Variants in MOCOS observed in about 807,000 individuals in gnomAD.
The protein encoded by MOCOS is molybdenum cofactor sulfurase.
A neutral mutation model predicts 83.6 loss-of-function variants in MOCOS; 86 were observed. The ratio of observed to expected loss-of-function variants is 1.03; its 90% CI spans 0.86 to 1.23. MOCOS has a LOEUF of 1.23. Among genes scored for constraint, MOCOS ranks in the 50% most tolerant of loss-of-function variants. The pLI, the probability that MOCOS is intolerant of heterozygous loss-of-function variation, is 0.00. For synonymous variants in MOCOS, 445 were observed against 434.7 expected, an observed-to-expected ratio of 1.02 and a Z score of -0.29; for missense variants, 1,120 against 1,126.9, an observed-to-expected ratio of 0.99 and a Z score of 0.09.
intron 13 of MOCOS, among the ~76,000 whole-genome samples, chr18:36,265,031 T>C (rs879868706): frequency 9.9e-5 from 15 of 152,202 alleles, no homozygotes; most frequent in Non-Finnish European, 5.9e-5. Flanking sequence ...AAAGCTTTTA[T>C]TGGCAAAAAT....
chr18:36,260,086 C>A lies in MOCOS; in HGVS notation c.2320C>A (p.Arg774Ser). 1.2e-6 allele frequency: 2 copies of A among 1,614,110 alleles called. No homozygotes were observed. The highest frequency in any genetic ancestry group is 1.3e-5 in the African/African-American group (1 of 75,014). Residue 774 changes from arginine (R) to serine (S), a missense_variant, in exon 13 of 15, where the codon CGT (arginine) becomes AGT (serine). Coordinates refer to ENST00000261326, the MANE Select transcript of MOCOS (RefSeq NM_017947.4). Reference sequence around the variant, plus strand: ...ATTCTCACTGAAGGATCTCAGCTTGCGTTTTCGTGCCAATATTATTATCAA... The same window carrying A: ...ATTCTCACTGAAGGATCTCAGCTTGAGTTTTCGTGCCAATATTATTATCAA... Reference protein sequence around the residue: ...ELFSLKDLSLRFRANIIINGK... With the variant: ...ELFSLKDLSLSFRANIIINGK...
Position 36,199,705 on chromosome 18 carries a change from A to G in MOCOS, c.322A>G (p.Thr108Ala). The change falls in exon 4 of 15, where the codon ACC becomes GCC. Residue 108 changes from threonine to alanine, a missense_variant. Thr to Ala is a moderately conservative substitution (Grantham distance 58, BLOSUM62 0). Coordinates refer to ENST00000261326, the MANE Select transcript of MOCOS (RefSeq NM_017947.4). ...CAGAATCCTGGCGCACTTCCACACC[A>G]CCGCAGAAGACTACACTGTGATCTT... The part of the protein sequence containing the change: ...RYRILAHFHT[T>A]AEDYTVIFTA... The G allele has an allele frequency of 1.9e-6, 3 of 1,613,912 alleles. No individual in the cohort carries two copies. The highest frequency in any genetic ancestry group is 1.7e-6 in the Non-Finnish European group (2 of 1,180,040).
chr18:36,190,798 TGCAGTG>T (rs1268559991), intron 1 of MOCOS, among the ~76,000 whole-genome samples: 1 of 151,022 alleles, frequency 6.6e-6, no homozygotes, highest in African/African-American at 2.4e-5. Context: ...TTTGGCCAGG[TGCAGTG>T]GCTCATACCT....
At chr18:36,187,753 T>TGA (rs1224684088) in intron 1 of MOCOS, 72 bp downstream of exon 1, 1 of 1,238,006 alleles carries the variant, frequency 8.1e-7, no homozygotes, top group Non-Finnish European at 1.0e-6. Context: ...TTGCTCCTAG[T>TGA]GAGAGCGGCG....
At chr18:36,199,433 A>C (rs2091402573) in intron 3 of MOCOS, among the ~76,000 whole-genome samples, 1 of 152,230 alleles carries the variant, frequency 6.6e-6, no homozygotes, top group Admixed American at 6.5e-5. Flanking sequence ...ACTCTGATTA[A>C]GTTTATTGTG....
chr18:36,207,131 G>GGTTCAATTGATTCTCCTGC lies in MOCOS; in HGVS notation c.1218+1856_1218+1874dup, dbSNP rs2091437812. ...AGTTCACTGCAAACTCCGCCTCCTG[G>GGTTCAATTGATTCTCCTGC]GTTCAATTGATTCTCCTGCCTCAGC... is the stretch of plus-strand genomic sequence containing the variant. On this transcript the variant is annotated intron_variant, in intron 6 of 14. Transcript: ENST00000261326. Among the ~76,000 whole-genome samples, 3 of 152,126 alleles carry GGTTCAATTGATTCTCCTGC rather than the reference G, an allele frequency of 2.0e-5. No homozygotes were observed. In the South Asian group the frequency reaches 6.2e-4, roughly 32 times the overall value.
At chr18:36,245,674 T>C (rs982998462) in intron 9 of MOCOS, among the ~76,000 whole-genome samples, 1 of 152,230 alleles carries the variant, frequency 6.6e-6, no homozygotes, top group African/African-American at 2.4e-5. Context: ...TCTAGATCTC[T>C]AGTGAGATCA....
In MOCOS at chr18:36,227,948, G is replaced by T. The variant is rs566810360; in HGVS notation, c.1960+7731G>T. On this transcript the variant is annotated intron_variant, in intron 9 of 14. Coordinates refer to ENST00000261326, the MANE Select transcript of MOCOS (RefSeq NM_017947.4). ...TTTGCAAACTATGCATCTGACAAAG[G>T]TCTAATATCCAGCATCTATAAGGAA... Among the ~76,000 whole-genome samples, 9 of 152,210 alleles carry T rather than the reference G, an allele frequency of 5.9e-5. No individual in the cohort carries two copies. The East Asian group carries it at 1.7e-3, about 29-fold the overall frequency.
chr18:36,211,583 C>A (rs1351062045), intron 6 of MOCOS, among the ~76,000 whole-genome samples: 1 of 152,050 alleles, frequency 6.6e-6, no homozygotes, highest in Non-Finnish European at 1.5e-5. Context: ...TCTCAGTCCT[C>A]CCTGAATGCT....
At position 36,199,722 on chromosome 18, in the gene MOCOS, T is replaced by C; in HGVS notation, c.339T>C (p.Thr113=). The C allele has an allele frequency of 1.2e-6, 2 of 1,614,110 alleles. No individual in the cohort carries two copies. The highest frequency in any genetic ancestry group is 1.7e-6 in the Non-Finnish European group (2 of 1,180,040). The change falls in exon 4 of 15, where the codon ACT becomes ACC. Residue 113 remains threonine (T), a synonymous_variant. Coordinates refer to ENST00000261326, the MANE Select transcript of MOCOS (RefSeq NM_017947.4). ...AHFHTTAEDY[T]VIFTAGSTAA... is the part of the protein sequence containing the mutation. The stretch of plus-strand genomic sequence containing the variant: ...TCCACACCACCGCAGAAGACTACAC[T>C]GTGATCTTCACTGCCGGGAGCACGG...
intron 1 of MOCOS, among the ~76,000 whole-genome samples, chr18:36,193,368 G>A (rs7227899): frequency 0.99 from 142,306 of 143,096 alleles, 70,766 homozygotes; most frequent in East Asian, 1. Flanking sequence ...TACAGAATGA[G>A]GACAGTGTGA....
At chr18:36,187,758 G>A in intron 1 of MOCOS, 77 bp downstream of exon 1, 1 of 1,234,430 alleles carries the variant, frequency 8.1e-7, no homozygotes. Flanking sequence ...CCTAGTGAGA[G>A]CGGCGCTACC....
At chr18:36,216,053 C>A in intron 8 of MOCOS, 76 bp downstream of exon 8, 2 of 1,414,370 alleles carry the variant, frequency 1.4e-6, no homozygotes, top group African/African-American at 1.4e-5. Context: ...TGAAGAAAAG[C>A]ATGAAAAAAA....
chr18:36,248,212 T>TA (rs892936061), intron 9 of MOCOS, among the ~76,000 whole-genome samples: 8 of 151,668 alleles, frequency 5.3e-5, no homozygotes, highest in African/African-American at 1.7e-4. Context: ...TGTTGAACAT[T>TA]AAAAAAAAAT....
At position 36,246,953 on chromosome 18, in the gene MOCOS, G is replaced by A. The variant is rs149315394; in HGVS notation, c.1961-1969G>A. On this transcript the variant is annotated intron_variant, in intron 9 of 14. Transcript: ENST00000261326. ...CATGTCATTTGTCTTTGGCTATCAG[G>A]GCAAGTAGAGAGAAACCATCAGGTG... Among the ~76,000 whole-genome samples the A allele has an allele frequency of 2.7e-3, 418 of 152,084 alleles. 2 individuals carry two copies. Among genetic ancestry groups the A allele is most frequent in the African/African-American group, 9.6e-3 (399 of 41,452 alleles).
At chr18:36,258,046 CTG>C (rs1012950155) in intron 12 of MOCOS, among the ~76,000 whole-genome samples, 3 of 152,156 alleles carry the variant, frequency 2.0e-5, no homozygotes, top group South Asian at 2.1e-4. Context: ...CACATGTTCT[CTG>C]GGTATTCACT....
intron 13 of MOCOS, among the ~76,000 whole-genome samples, chr18:36,264,701 C>T (rs1195088964): frequency 6.6e-6 from 1 of 151,958 alleles, no homozygotes; most frequent in East Asian, 1.9e-4. Flanking sequence ...GCCTGGGAAT[C>T]TTGACTTCGG....
Position 36,256,994 on chromosome 18 carries a change from C to G in MOCOS, c.2191C>G (p.Leu731Val), listed in dbSNP as rs1277741640. 1.9e-6 allele frequency: 3 copies of G among 1,614,024 alleles called. No homozygotes were observed. The African/African-American group carries it at 4.0e-5, about 22-fold the overall frequency. The change falls in exon 12 of 15, where the codon CTT (leucine) becomes GTT (valine). Residue 731 changes from leucine (L) to valine (V), a missense_variant. Physicochemically the swap from Leu to Val is conservative, Grantham distance 32 (BLOSUM62 1). Coordinates refer to ENST00000261326, the MANE Select transcript of MOCOS (RefSeq NM_017947.4). ...KDQLPGTMATLSLVNEAQYLL... is the reference protein window; with the variant it reads ...KDQLPGTMATVSLVNEAQYLL... The stretch of plus-strand genomic sequence containing the variant: ...TCAACTTCCTGGTACAATGGCCACC[C>G]TTTCTCTGGTGAATGAGGCACAGTA...
intron 9 of MOCOS, among the ~76,000 whole-genome samples, chr18:36,242,929 G>C (rs2091589223): frequency 1.3e-5 from 2 of 152,186 alleles, no homozygotes; most frequent in South Asian, 4.1e-4. Context: ...CCATTTGTTT[G>C]TGTCATCTAT....
Sources: gnomAD v4.1 joint callset for allele counts (sites outside exome capture counted in the v4.1 genomes callset) on GRCh38, gnomAD v4.1.1 for gene constraint, MANE v1.5 for transcripts, NCBI Gene and HGNC (gene_info 2026-07-23, HGNC 2026-07-21) for gene names.